The following APBB2 variants were observed in gnomAD, a reference collection of about 807,000 sequenced individuals.
APBB2 encodes Fe65-like 1.
Under a neutral mutation model 82.5 loss-of-function variants are expected in APBB2, and 38 were observed. The ratio of observed to expected loss-of-function variants is 0.46; its 90% CI spans 0.36 to 0.60. The LOEUF is 0.60. APBB2 is among the 20% of genes least tolerant of loss of function. The pLI, the probability that APBB2 is intolerant of heterozygous loss-of-function variation, is 0.00. For missense variants in APBB2, 772 were observed against 972.3 expected (o/e 0.79, Z 2.74); for synonymous variants, 341 against 368.2 (o/e 0.93, Z 0.85).
chr4:40,814,645 A>G lies in APBB2; in HGVS notation c.*1447T>C, dbSNP rs1745141299. ...CATTACTTTTATAATTGGATGTTGT[A>G]AATGTTAATTTTGACATTAAGAAGA... On this transcript the variant is annotated 3_prime_UTR_variant, in exon 18 of 18. Coordinates refer to ENST00000508593, the MANE Select transcript of APBB2 (RefSeq NM_004307.2). The G allele has an allele frequency of 6.6e-6, 1 of 152,258 alleles. No homozygotes were observed. The highest frequency in any genetic ancestry group is 1.5e-5 in the Non-Finnish European group (1 of 68,036). The allele number at this position is 152,258 out of a possible 1,614,324, so 9.4% of individuals were successfully genotyped here. A position where few individuals can be genotyped will look rare whatever the true frequency, so the allele number is the denominator to read the frequency against.
intron 12 of APBB2, among the ~76,000 whole-genome samples, chr4:40,873,174 T>C (rs897748017): frequency 6.6e-6 from 1 of 152,068 alleles, no homozygotes; most frequent in Non-Finnish European, 1.5e-5. Flanking sequence ...TTCTGTGGTA[T>C]AATCTGCTCT....
chr4:40,941,096 T>C (rs953949926), intron 7 of APBB2, among the ~76,000 whole-genome samples: 2 of 152,190 alleles, frequency 1.3e-5, no homozygotes, highest in Non-Finnish European at 2.9e-5. Flanking sequence ...AGTTCTAAAC[T>C]TTTGTGAAGC....
chr4:40,934,578 T>A, intron 9 of APBB2, 36 bp downstream of exon 9: 1 of 1,611,040 alleles, frequency 6.2e-7, no homozygotes, highest in Non-Finnish European at 8.5e-7. Context: ...CACAAAGCCA[T>A]ACATTGACAG....
chr4:40,998,569 G>T (rs998906100), intron 6 of APBB2, among the ~76,000 whole-genome samples: 1 of 152,014 alleles, frequency 6.6e-6, no homozygotes. Context: ...AGGCCAGCAG[G>T]GTTTTCTTTA....
chr4:41,036,983 A>C (rs1719448265), intron 4 of APBB2, among the ~76,000 whole-genome samples: 1 of 152,248 alleles, frequency 6.6e-6, no homozygotes, highest in African/African-American at 2.4e-5. Flanking sequence ...TAAGAACAAT[A>C]TACAGCTGTG....
chr4:40,888,228 T>G (rs1264584191), intron 12 of APBB2, among the ~76,000 whole-genome samples: 2 of 152,262 alleles, frequency 1.3e-5, no homozygotes, highest in Non-Finnish European at 2.9e-5. Flanking sequence ...GTCCTTATTA[T>G]GATCCTCACT....
intron 6 of APBB2, among the ~76,000 whole-genome samples, chr4:40,995,001 T>C (rs1803243288): frequency 6.6e-6 from 1 of 151,788 alleles, no homozygotes; most frequent in Non-Finnish European, 1.5e-5. Flanking sequence ...GAAGAGGGAC[T>C]CTTAGGCAAT....
At chr4:40,933,409 T>C (rs1455773062) in intron 10 of APBB2, among the ~76,000 whole-genome samples, 1 of 152,156 alleles carries the variant, frequency 6.6e-6, no homozygotes, top group East Asian at 1.9e-4. Context: ...CCACAGCAGA[T>C]GGGTGGCCCA....
At chr4:40,842,778 T>C (rs1327024957) in intron 12 of APBB2, among the ~76,000 whole-genome samples, 1 of 152,188 alleles carries the variant, frequency 6.6e-6, no homozygotes, top group Non-Finnish European at 1.5e-5. Context: ...TAGCCTTACC[T>C]GTTTTACCGA....
chr4:41,122,799 G>A (rs536970535), intron 2 of APBB2, among the ~76,000 whole-genome samples: 4 of 151,976 alleles, frequency 2.6e-5, no homozygotes, highest in African/African-American at 4.8e-5. Flanking sequence ...AAGCCTTTTC[G>A]TCTCTCCCAG....
chr4:40,834,976 T>A (rs7700067), intron 12 of APBB2, among the ~76,000 whole-genome samples: 87,101 of 151,994 alleles, frequency 0.57, 25,806 homozygotes, highest in Non-Finnish European at 0.64. Context: ...TGATATTTTT[T>A]AAAATATTCA....
At chr4:40,858,604 T>C (rs1176908901) in intron 12 of APBB2, among the ~76,000 whole-genome samples, 1 of 152,018 alleles carries the variant, frequency 6.6e-6, no homozygotes, top group South Asian at 2.1e-4. Flanking sequence ...TATTTAACTA[T>C]AGGTCTTGTT....
At chr4:41,171,993 G>A (rs1051972796) in intron 1 of APBB2, among the ~76,000 whole-genome samples, 12 of 152,142 alleles carry the variant, frequency 7.9e-5, no homozygotes, top group African/African-American at 2.4e-4. Flanking sequence ...CCAGCTAATC[G>A]GGAGGCTAAG....
At chr4:41,027,820 A>C (rs1560561423) in intron 5 of APBB2, among the ~76,000 whole-genome samples, 1 of 152,228 alleles carries the variant, frequency 6.6e-6, no homozygotes, top group Non-Finnish European at 1.5e-5. Context: ...TTTAGCATAA[A>C]GGTGGTTCTC....
chr4:41,049,111 T>C (rs1724637616), intron 4 of APBB2, among the ~76,000 whole-genome samples: 1 of 150,424 alleles, frequency 6.6e-6, no homozygotes, highest in Non-Finnish European at 1.5e-5. Flanking sequence ...GGAGCGTCTC[T>C]GCCTGGCCGC....
chr4:41,116,777 T>A (rs965443109), intron 2 of APBB2, among the ~76,000 whole-genome samples: 3 of 152,238 alleles, frequency 2.0e-5, no homozygotes, highest in Non-Finnish European at 4.4e-5. Flanking sequence ...CTGTTCTTTT[T>A]TCTATACTTG....
intron 6 of APBB2, among the ~76,000 whole-genome samples, chr4:40,997,307 C>T (rs1322047702): frequency 6.6e-6 from 1 of 152,210 alleles, no homozygotes; most frequent in Non-Finnish European, 1.5e-5. Context: ...CGTCAAGCAG[C>T]AGGTCCTAGA....
intron 2 of APBB2, among the ~76,000 whole-genome samples, chr4:41,106,862 T>C (rs944881318): frequency 1.3e-5 from 2 of 152,138 alleles, no homozygotes; most frequent in Admixed American, 6.6e-5. Context: ...TAGTTGGGTC[T>C]GGGCAGAGAA....
At chr4:40,963,886 C>T (rs1793932713) in intron 6 of APBB2, among the ~76,000 whole-genome samples, 1 of 152,172 alleles carries the variant, frequency 6.6e-6, no homozygotes, top group South Asian at 2.1e-4. Context: ...AGTGCATTTA[C>T]CCTTCTCTTT....
Sources: gnomAD v4.1 joint callset for allele counts (sites outside exome capture counted in the v4.1 genomes callset) on GRCh38, gnomAD v4.1.1 for gene constraint, MANE v1.5 for transcripts, NCBI Gene and HGNC (gene_info 2026-07-23, HGNC 2026-07-21) for gene names.